Variants in ATP6V1E2 observed in about 807,000 individuals in gnomAD.
ATP6V1E2 encodes the protein V-type proton ATPase subunit E 2.
For missense variants in ATP6V1E2, 308 were observed against 273.3 expected, an observed-to-expected ratio of 1.13 and a Z score of -0.90; for synonymous variants, 121 against 104.2, an observed-to-expected ratio of 1.16 and a Z score of -0.98.
chr2:46,525,489 A>AAAAAAAAAAAAC (rs1666872261), intron 4 of ATP6V1E2, among the ~76,000 whole-genome samples: 1 of 144,376 alleles, frequency 6.9e-6, no homozygotes, highest in Non-Finnish European at 1.5e-5. Flanking sequence ...AAAAAAAAAA[A>AAAAAAAAAAAAC]GAAAGCAGGG....
At chr2:46,526,780 C>T (rs1006380595) in intron 4 of ATP6V1E2, among the ~76,000 whole-genome samples, 1 of 152,172 alleles carries the variant, frequency 6.6e-6, no homozygotes, top group African/African-American at 2.4e-5. Flanking sequence ...TTCATCCATT[C>T]ATAGAGACTT....
chr2:46,536,799 T>G (rs1667465372), intron 2 of ATP6V1E2, 96 bp from the exon 3 acceptor site: 1 of 152,150 alleles, frequency 6.6e-6, no homozygotes, highest in South Asian at 2.1e-4. Flanking sequence ...TTTTTTTTTT[T>G]TTGAGACAGT....
At chr2:46,533,083 ATATC>A (rs971610019) in intron 4 of ATP6V1E2, among the ~76,000 whole-genome samples, 12 of 84,328 alleles carry the variant, frequency 1.4e-4, no homozygotes, top group African/African-American at 4.8e-4. Context: ...TTATATATAT[ATATC>A]TAACATTATA....
At chr2:46,522,036 T>C (rs1666660038) in intron 4 of ATP6V1E2, among the ~76,000 whole-genome samples, 1 of 152,138 alleles carries the variant, frequency 6.6e-6, no homozygotes, top group African/African-American at 2.4e-5. Flanking sequence ...GGCTTATGCC[T>C]GTAATCCCAA....
At position 46,542,223 on chromosome 2, in the gene ATP6V1E2, G is replaced by C. The variant is rs1323143680; in HGVS notation, c.-380C>G. ...TTTTTTTTTTTTTTTTTACCCTTTT[G>C]GTCTCTCCTCCTTGATTTCTAGTTC... On this transcript the variant is annotated 5_prime_UTR_variant, in exon 1 of 5. Coordinates refer to ENST00000522587, the MANE Select transcript of ATP6V1E2 (RefSeq NM_001318063.2). 2.1e-5 allele frequency: 3 copies of C among 145,362 alleles called. No homozygotes were observed. The highest frequency in any genetic ancestry group is 4.5e-5 in the Non-Finnish European group (3 of 66,004). 9.0% of individuals were successfully genotyped at this position (145,362 alleles called of 1,614,324 possible). A position where few individuals can be genotyped will look rare whatever the true frequency, so the allele number is the denominator to read the frequency against.
intron 4 of ATP6V1E2, among the ~76,000 whole-genome samples, chr2:46,518,488 ACAAC>A (rs1303140146): frequency 5.4e-5 from 4 of 73,426 alleles, no homozygotes; most frequent in East Asian, 3.7e-4. Context: ...ACACACACAC[ACAAC>A]ACACACACAC....
At chr2:46,521,243 G>C (rs1488217664) in intron 4 of ATP6V1E2, among the ~76,000 whole-genome samples, 1 of 152,168 alleles carries the variant, frequency 6.6e-6, no homozygotes, top group Admixed American at 6.5e-5. Context: ...GTGTGAGCTG[G>C]GAAATCTCTT....
chr2:46,532,253 C>T (rs1055303311), intron 4 of ATP6V1E2, among the ~76,000 whole-genome samples: 3 of 151,430 alleles, frequency 2.0e-5, no homozygotes, highest in Non-Finnish European at 4.4e-5. Flanking sequence ...GTCTCATCAC[C>T]ATTTATTGAA....
chr2:46,519,030 G>A (rs1397487180), intron 4 of ATP6V1E2: 1 of 152,242 alleles, frequency 6.6e-6, no homozygotes, highest in Non-Finnish European at 1.5e-5. Flanking sequence ...CTGGAACCTG[G>A]CACTGTTGCT....
At chr2:46,527,215 A>C (rs114124809) in intron 4 of ATP6V1E2, among the ~76,000 whole-genome samples, 246 of 151,610 alleles carry the variant, frequency 1.6e-3, no homozygotes, top group African/African-American at 5.6e-3. Flanking sequence ...CATCGTGTCT[A>C]ATTTTTATTT....
chr2:46,533,948 G>C (rs900366431), intron 4 of ATP6V1E2, among the ~76,000 whole-genome samples: 3 of 152,088 alleles, frequency 2.0e-5, no homozygotes, highest in African/African-American at 7.2e-5. Context: ...ATCTGTCTTT[G>C]TTCCCTGTAT....
intron 2 of ATP6V1E2, among the ~76,000 whole-genome samples, chr2:46,540,955 A>G (rs1235921914): frequency 6.6e-6 from 1 of 152,204 alleles, no homozygotes; most frequent in African/African-American, 2.4e-5. Flanking sequence ...CTTAGCTCAC[A>G]TTTATAGATG....
At chr2:46,525,498 G>A (rs1389882439) in intron 4 of ATP6V1E2, among the ~76,000 whole-genome samples, 3 of 145,900 alleles carry the variant, frequency 2.1e-5, no homozygotes, top group African/African-American at 7.4e-5. Context: ...AAGAAAGCAG[G>A]GACAGGCACC....
At chr2:46,529,016 C>A (rs758362878) in intron 4 of ATP6V1E2, among the ~76,000 whole-genome samples, 1 of 152,174 alleles carries the variant, frequency 6.6e-6, no homozygotes, top group East Asian at 1.9e-4. Context: ...GAGCCCCAGG[C>A]AGCCTCCAGA....
At chr2:46,539,443 C>T (rs1206931869) in intron 2 of ATP6V1E2, among the ~76,000 whole-genome samples, 2 of 152,204 alleles carry the variant, frequency 1.3e-5, no homozygotes, top group Non-Finnish European at 2.9e-5. Context: ...GAAAAAAGTG[C>T]CCTTCTTGCA....
chr2:46,531,028 G>GT (rs35144152), intron 4 of ATP6V1E2, among the ~76,000 whole-genome samples: 37,282 of 152,098 alleles, frequency 0.25, 4,796 homozygotes, highest in Admixed American at 0.3. Flanking sequence ...TGGTGAATAC[G>GT]TTTTTTGAAA....
chr2:46,541,006 G>A (rs1667732757), intron 2 of ATP6V1E2, among the ~76,000 whole-genome samples: 1 of 152,166 alleles, frequency 6.6e-6, no homozygotes, highest in East Asian at 1.9e-4. Flanking sequence ...CATGCTCAAG[G>A]TAACACTGCT....
At chr2:46,520,846 AG>A (rs1666583869) in intron 4 of ATP6V1E2, among the ~76,000 whole-genome samples, 2 of 152,046 alleles carry the variant, frequency 1.3e-5, no homozygotes, top group Non-Finnish European at 2.9e-5. Context: ...TGGGGATGGA[AG>A]GGAGGCTTTT....
In ATP6V1E2 at chr2:46,540,613, CTTTTTTTTTTTT is replaced by C. The variant is rs59810518; in HGVS notation, c.-310+765_-310+776del. ...TGAAATTTGAGAGCTTTTTCTGTAA[CTTTTTTTTTTTT>C]TTTTTTTTTTTTTTTACCACTTGGA... On this transcript the variant is annotated intron_variant, in intron 2 of 4. Transcript: ENST00000522587. Among the ~76,000 whole-genome samples the C allele has an allele frequency of 9.0e-3, 1,039 of 115,642 alleles. 31 individuals are homozygous for C. The highest frequency in any genetic ancestry group is 0.028 in the African/African-American group (834 of 29,618). The allele number at this position is 115,642 out of a possible 152,430, so 75.9% of individuals were successfully genotyped here. A position where few individuals can be genotyped will look rare whatever the true frequency, so the allele number is the denominator to read the frequency against.
Sources: gnomAD v4.1 joint callset for allele counts (sites outside exome capture counted in the v4.1 genomes callset) on GRCh38, gnomAD v4.1.1 for gene constraint, MANE v1.5 for transcripts, NCBI Gene and HGNC (gene_info 2026-07-23, HGNC 2026-07-21) for gene names.